The following SLC27A3 variants were observed in gnomAD, a reference collection of about 807,000 sequenced individuals.
SLC27A3 encodes the protein solute carrier family 27 member 3, also known as long-chain fatty acid transport protein 3.
In SLC27A3, 60 loss-of-function variants were observed where a neutral mutation model predicts 60.1. That is an observed-to-expected ratio of 1.00 (90% CI 0.81 to 1.24). SLC27A3 has a LOEUF of 1.24. Among genes scored for constraint, SLC27A3 ranks in the 50% most tolerant of loss-of-function variants. The pLI is 0.00. For synonymous variants in SLC27A3, 455 were observed against 409.0 expected (o/e 1.11, Z -1.36); for missense variants, 1,079 against 929.9 (o/e 1.16, Z -2.09).
chr1:153,778,420 A>G (rs1377216577), intron 5 of SLC27A3, 43 bp from the exon 6 acceptor site: 1 of 1,612,994 alleles, frequency 6.2e-7, no homozygotes, highest in South Asian at 1.1e-5. Flanking sequence ...GAGGGGGCTC[A>G]TGTGACTGCA....
chr1:153,775,901 C>A lies in SLC27A3; in HGVS notation c.404C>A (p.Pro135Gln). 1 of 1,474,898 alleles carries A rather than the reference C, an allele frequency of 6.8e-7. No individual in the cohort carries two copies. The highest frequency in any genetic ancestry group is 8.9e-7 in the Non-Finnish European group (1 of 1,119,692). The allele number at this position is 1,474,898 out of a possible 1,614,324, so 91.4% of individuals were successfully genotyped here. ...GCTGGAGAAGGCGAGCGGGCAGCGC[C>A]GGGAGCCGGAGATGCAGCGGCCGGA... ...GSAGEGERAA[P>Q]GAGDAAAGSG... The change falls in exon 1 of 10, where the codon CCG becomes CAG. Residue 135 changes from proline (P) to glutamine (Q), a missense_variant. Physicochemically the swap from Pro to Gln is moderately conservative, Grantham distance 76. Transcript: ENST00000624995.
chr1:153,775,696 C>G lies in SLC27A3; in HGVS notation c.199C>G (p.Leu67Val). ...DPEGPEGGCSLAWRLAELAQQ... is the reference protein window; with the variant it reads ...DPEGPEGGCSVAWRLAELAQQ... Reference sequence around the variant, plus strand: ...GGAAGGTCCCGAGGGGGGCTGCAGCCTGGCCTGGCGCCTCGCGGAACTGGC... The same window carrying G: ...GGAAGGTCCCGAGGGGGGCTGCAGCGTGGCCTGGCGCCTCGCGGAACTGGC... The change falls in exon 1 of 10, where the codon CTG (leucine) becomes GTG (valine). Residue 67 changes from leucine (L) to valine (V), a missense_variant. Coordinates refer to ENST00000624995, the MANE Select transcript of SLC27A3 (RefSeq NM_024330.4). The G allele has an allele frequency of 1.3e-6, 2 of 1,529,380 alleles. No homozygotes were observed. The highest frequency in any genetic ancestry group is 8.8e-7 in the Non-Finnish European group (1 of 1,142,348). The allele number at this position is 1,529,380 out of a possible 1,614,324, so 94.7% of individuals were successfully genotyped here. A position where few individuals can be genotyped will look rare whatever the true frequency, so the allele number is the denominator to read the frequency against.
rs775634094 is a variant in SLC27A3, at chr1:153,776,515, T to C, written c.668-3T>C. 6.2e-7 allele frequency: 1 copy of C among 1,612,802 alleles called. No homozygotes were observed. The highest frequency in any genetic ancestry group is 8.5e-7 in the Non-Finnish European group (1 of 1,179,558). Reference sequence around the variant, plus strand: ...CCGGCGTTGTGCTTTCCCACCCTTCTAGAGTTTCTGGAGTCCCTGGAGCCG... The same window carrying C: ...CCGGCGTTGTGCTTTCCCACCCTTCCAGAGTTTCTGGAGTCCCTGGAGCCG... On this transcript the variant is annotated splice_polypyrimidine_tract_variant and splice_region_variant and intron_variant, in intron 1 of 9. Coordinates refer to ENST00000624995, the MANE Select transcript of SLC27A3 (RefSeq NM_024330.4).
At chr1:153,779,712 T>C in intron 9 of SLC27A3, 114 bp from the exon 10 acceptor site, 1 of 1,101,408 alleles carries the variant, frequency 9.1e-7, no homozygotes, top group South Asian at 1.5e-5. Flanking sequence ...CCCCTAAACC[T>C]TGACCTCACA....
At chr1:153,779,776 A>G in intron 9 of SLC27A3, 50 bp from the exon 10 acceptor site, 2 of 1,566,122 alleles carry the variant, frequency 1.3e-6, no homozygotes, top group Non-Finnish European at 1.7e-6. Context: ...CCCCTGAACC[A>G]CGTGGGCAGA....
chr1:153,775,695 C>T lies in SLC27A3; in HGVS notation c.198C>T (p.Ser66=). The change falls in exon 1 of 10, where the codon AGC becomes AGT. Residue 66 remains serine, a synonymous_variant. Transcript: ENST00000624995. The part of the protein sequence containing the change: ...ADPEGPEGGC[S]LAWRLAELAQ... ...CGGAAGGTCCCGAGGGGGGCTGCAGCCTGGCCTGGCGCCTCGCGGAACTGG... is the reference window on the plus strand; with the variant it reads ...CGGAAGGTCCCGAGGGGGGCTGCAGTCTGGCCTGGCGCCTCGCGGAACTGG... The T allele has an allele frequency of 6.5e-7, 1 of 1,528,554 alleles. No homozygotes were observed. The highest frequency in any genetic ancestry group is 1.3e-5 in the South Asian group (1 of 79,058). The allele number at this position is 1,528,554 out of a possible 1,614,324, so 94.7% of individuals were successfully genotyped here.
chr1:153,776,807 A>C, intron 2 of SLC27A3, 80 bp downstream of exon 2: 1 of 1,370,992 alleles, frequency 7.3e-7, no homozygotes, highest in Non-Finnish European at 1.0e-6. Context: ...CACTCCTTCA[A>C]AGCCCCCAGA....
intron 3 of SLC27A3, 49 bp from the exon 4 acceptor site, chr1:153,777,712 T>C: frequency 6.2e-7 from 1 of 1,607,722 alleles, no homozygotes. Flanking sequence ...GGCTCCCCAC[T>C]CTGCTCCTAA....
At chr1:153,779,610 G>GA (rs1370880625) in intron 9 of SLC27A3, 137 bp downstream of exon 9, 1 of 1,086,940 alleles carries the variant, frequency 9.2e-7, no homozygotes, top group Non-Finnish European at 1.3e-6. Context: ...TCCGTGAAGA[G>GA]AAAAAACACG....
At position 153,778,795 on chromosome 1, in the gene SLC27A3, C is replaced by T; in HGVS notation, c.1556C>T (p.Pro519Leu). Residue 519 changes from proline to leucine, a missense_variant, in exon 7 of 10, where the codon CCT (proline) becomes CTT (leucine). Coordinates refer to ENST00000624995, the MANE Select transcript of SLC27A3 (RefSeq NM_024330.4). ...AAGTTGCTAAAGGATGTCTTCCGGC[C>T]TGGGGATGTTTTCTTCAACACTGGG... ...QGKLLKDVFR[P>L]GDVFFNTGDL... 6.2e-7 allele frequency: 1 copy of T among 1,614,162 alleles called. No homozygotes were observed. The highest frequency in any genetic ancestry group is 8.5e-7 in the Non-Finnish European group (1 of 1,180,022).
At chr1:153,777,593 G>C (rs369103452) in intron 3 of SLC27A3, 168 bp from the exon 4 acceptor site, 1 of 850,072 alleles carries the variant, frequency 1.2e-6, no homozygotes, top group Non-Finnish European at 1.9e-6. Context: ...GACAGGGGCC[G>C]GGGGAGGGGA....
At chr1:153,779,565 C>A in intron 9 of SLC27A3, 92 bp downstream of exon 9, 1 of 1,419,200 alleles carries the variant, frequency 7.0e-7, no homozygotes, top group Middle Eastern at 2.1e-4. Context: ...TTGATGGCTC[C>A]CAAACTCCAC....
At chr1:153,777,663 A>G (rs1570899943) in intron 3 of SLC27A3, 98 bp from the exon 4 acceptor site, 3 of 1,464,882 alleles carry the variant, frequency 2.0e-6, no homozygotes, top group Non-Finnish European at 2.8e-6. Context: ...TCCCAGGGAA[A>G]GACTACAGTG....
At chr1:153,777,276 C>A in intron 3 of SLC27A3, 56 bp downstream of exon 3, 2 of 1,592,170 alleles carry the variant, frequency 1.3e-6, no homozygotes, top group South Asian at 2.2e-5. Flanking sequence ...TTATTAAGCA[C>A]GTACTATGGT....
At chr1:153,779,799 C>A in intron 9 of SLC27A3, 27 bp from the exon 10 acceptor site, 2 of 1,606,406 alleles carry the variant, frequency 1.2e-6, no homozygotes, top group Non-Finnish European at 1.7e-6. Context: ...CCCCTTCCCT[C>A]CAAATCCCTG....
rs1673147478 is a variant in SLC27A3 at position 153,775,544 on chromosome 1, TGCTGCTGAA to T, written c.51_59del (p.Leu18_Leu20del). 6.2e-7 allele frequency: 1 copy of T among 1,612,396 alleles called. No individual in the cohort carries two copies. The highest frequency in any genetic ancestry group is 1.7e-5 in the Admixed American group (1 of 59,994). On this transcript the variant is annotated inframe_deletion, in exon 1 of 10. Coordinates refer to ENST00000624995, the MANE Select transcript of SLC27A3 (RefSeq NM_024330.4). ...CCCCTGCTGCTGTTGCTACCGCTGC[TGCTGCTGAA>T]GCTACACCTCTGGCCGCAGTTGCGC...
chr1:153,778,819 G>C lies in SLC27A3; in HGVS notation c.1580G>C (p.Gly527Ala), dbSNP rs761581765. The change falls in exon 7 of 10, where the codon GGG becomes GCG. Residue 527 changes from glycine to alanine, a missense_variant. Coordinates refer to ENST00000624995, the MANE Select transcript of SLC27A3 (RefSeq NM_024330.4). ...CCTGGGGATGTTTTCTTCAACACTG[G>C]GGACCTGCTGGTCTGCGATGACCAA... is the stretch of plus-strand genomic sequence containing the variant. ...FRPGDVFFNT[G>A]DLLVCDDQGF... 8 of 1,614,036 alleles carry C rather than the reference G, an allele frequency of 5.0e-6. No individual in the cohort carries two copies. The highest frequency in any genetic ancestry group is 2.2e-5 in the South Asian group (2 of 91,084).
Position 153,778,738 on chromosome 1 carries a change from G to A in SLC27A3, c.1499G>A (p.Gly500Asp). The A allele has an allele frequency of 6.2e-7, 1 of 1,613,722 alleles. No homozygotes were observed. The highest frequency in any genetic ancestry group is 8.5e-7 in the Non-Finnish European group (1 of 1,180,018). ...APVSQQSPFL[G>D]YAGGPELAQG... ...GTAAGCCAGCAGTCCCCATTCCTGG[G>A]CTATGCTGGCGGGCCAGAGCTGGCC... is the stretch of plus-strand genomic sequence containing the variant. The change falls in exon 7 of 10, where the codon GGC (glycine) becomes GAC (aspartate). Residue 500 changes from glycine (G) to aspartate (D), a missense_variant. Physicochemically the swap from Gly to Asp is moderately conservative, Grantham distance 94. Transcript: ENST00000624995.
rs374567006 is a variant in SLC27A3 at position 153,778,866 on chromosome 1, C to T, written c.1627C>T (p.Arg543Cys). 6.3e-5 allele frequency: 101 copies of T among 1,614,012 alleles called. 1 individual carries two copies. The highest frequency in any genetic ancestry group is 4.9e-4 in the Middle Eastern group (3 of 6,078). Residue 543 changes from arginine (R) to cysteine (C), a missense_variant, in exon 7 of 10, where the codon CGT (arginine) becomes TGT (cysteine). Arg to Cys is a radical substitution (Grantham distance 180). Transcript: ENST00000624995. ...CCAAGGTTTTCTCCGCTTCCATGAT[C>T]GTACTGGAGACACCTTCAGGTATCT... ...DDQGFLRFHD[R>C]TGDTFRWKGE...
Sources: allele counts gnomAD v4.1 joint callset, GRCh38; gene constraint gnomAD v4.1.1; transcripts MANE v1.5; gene names NCBI Gene and HGNC (gene_info 2026-07-23, HGNC 2026-07-21).